The following TANC2 variants were observed in gnomAD, a reference collection of about 807,000 sequenced individuals.
TANC2 encodes protein TANC2.
A neutral mutation model predicts 210.5 loss-of-function variants in TANC2; 26 were observed. The ratio of observed to expected loss-of-function variants is 0.12; its 90% CI spans 0.09 to 0.17. TANC2 has a LOEUF of 0.17. Ranked by LOEUF, TANC2 falls within the 10% of genes least tolerant of loss-of-function variation. TANC2 has a pLI of 1.00. For synonymous variants in TANC2, 931 were observed against 967.1 expected (o/e 0.96, Z 0.69); for missense variants, 2,129 against 2,608.9 (o/e 0.82, Z 4.01).
At chr17:63,389,228 G>A in intron 16 of TANC2, 80 bp from the exon 17 acceptor site, 1 of 1,067,146 alleles carries the variant, frequency 9.4e-7, no homozygotes. Flanking sequence ...GTTGTAGAAT[G>A]TTAGATGGTT....
chr17:63,138,396 T>C (rs1243644004), intron 4 of TANC2, among the ~76,000 whole-genome samples: 1 of 152,188 alleles, frequency 6.6e-6, no homozygotes, highest in Non-Finnish European at 1.5e-5. Context: ...GACCATAATT[T>C]TTATAAATAC....
In TANC2 at chr17:63,059,947, C is replaced by T. The variant is rs141563726; in HGVS notation, c.68-13996C>T. ...CTAGACATGTCCACTGCTACTGGAT[C>T]AGTCTGTTTCTAGGCGTTTTCAGTG... On this transcript the variant is annotated intron_variant, in intron 2 of 27. Coordinates refer to ENST00000689528, the Ensembl canonical transcript of TANC2. 9.8e-3 allele frequency among the ~76,000 whole-genome samples: 1,494 copies of T among 152,240 alleles called. 23 individuals are homozygous for T. Among genetic ancestry groups the T allele is most frequent in the African/African-American group, 0.034 (1,426 of 41,550 alleles).
exon 10 of TANC2, chr17:63,314,472 T>G: frequency 6.2e-7 from 1 of 1,613,930 alleles, no homozygotes; most frequent in Non-Finnish European, 8.5e-7. Context: ...GAGTCAGTGT[T>G]TGTTGGCCGA....
intron 14 of TANC2, among the ~76,000 whole-genome samples, chr17:63,366,664 T>C (rs2047119356): frequency 6.6e-6 from 1 of 152,252 alleles, no homozygotes; most frequent in African/African-American, 2.4e-5. Flanking sequence ...ATTCAGATTC[T>C]ATATTTACAA....
Position 63,046,325 on chromosome 17 carries a change from C to CTTTTTTTTTTTT in TANC2, c.68-27605_68-27594dup, listed in dbSNP as rs57550590. Among the ~76,000 whole-genome samples the CTTTTTTTTTTTT allele has an allele frequency of 2.2e-3, 95 of 44,142 alleles. 28 individuals are homozygous for CTTTTTTTTTTTT. The highest frequency in any genetic ancestry group is 0.011 in the African/African-American group (90 of 8,536). 29.0% of individuals were successfully genotyped at this position (44,142 alleles called of 152,430 possible). On this transcript the variant is annotated intron_variant, in intron 2 of 27. Coordinates refer to ENST00000689528, the Ensembl canonical transcript of TANC2. ...CAGGTGCGTGCCACCACACCCAGCTCTTTTTTTTTTTTTTTTTTTTTTTTG... is the reference window on the plus strand; with the variant it reads ...CAGGTGCGTGCCACCACACCCAGCTCTTTTTTTTTTTTTTTTTTTTTTTTTTTTTTTTTTTTG...
chr17:63,004,882 G>T, intron 1 of TANC2: 2 of 319,848 alleles, frequency 6.3e-6, no homozygotes, highest in South Asian at 2.8e-5. Flanking sequence ...AGACAACCTT[G>T]TGGATTTTCT....
At chr17:63,261,067 A>C (rs956673848) in intron 8 of TANC2, among the ~76,000 whole-genome samples, 27 of 152,194 alleles carry the variant, frequency 1.8e-4, no homozygotes, top group African/African-American at 6.5e-4. Context: ...CCCTATCTCT[A>C]CAAAAGAAAT....
intron 3 of TANC2, among the ~76,000 whole-genome samples, chr17:63,083,528 T>C (rs944576419): frequency 1.5e-4 from 23 of 152,270 alleles, no homozygotes; most frequent in African/African-American, 5.1e-4. Context: ...AGGGATTCTC[T>C]TGGAGTTTTT....
intron 11 of TANC2, chr17:63,334,022 C>T (rs1037766518): frequency 6.6e-6 from 1 of 152,180 alleles, no homozygotes; most frequent in Non-Finnish European, 1.5e-5. Context: ...TTGAGTGACT[C>T]ACCTTATTGC....
intron 14 of TANC2, among the ~76,000 whole-genome samples, chr17:63,371,009 G>C (rs138312864): frequency 2.3e-3 from 348 of 152,212 alleles, no homozygotes; most frequent in Non-Finnish European, 4.4e-3. Context: ...GTCTCACTAG[G>C]TCTCTTTAAA....
At chr17:63,244,696 G>T (rs891509851) in intron 8 of TANC2, among the ~76,000 whole-genome samples, 1 of 152,186 alleles carries the variant, frequency 6.6e-6, no homozygotes, top group African/African-American at 2.4e-5. Context: ...TTTGTAAACC[G>T]CCGATTTCTT....
At position 63,404,721 on chromosome 17, in the gene TANC2, CAAAA is replaced by C. The variant is rs535592157; in HGVS notation, c.3332-393_3332-390del. On this transcript the variant is annotated intron_variant, in intron 19 of 27. Transcript: ENST00000689528. ...GTTCCCAGCTAATTCTAAAACAAAACAAAAAAAAAAACTTTTTATCTCTGCAAAG... is the reference window on the plus strand; with the variant it reads ...GTTCCCAGCTAATTCTAAAACAAAACAAAAAAACTTTTTATCTCTGCAAAG... 1.3e-3 allele frequency among the ~76,000 whole-genome samples: 185 copies of C among 141,596 alleles called. 1 individual carries two copies. The highest frequency in any genetic ancestry group is 4.6e-3 in the African/African-American group (177 of 38,648). The allele number at this position is 141,596 out of a possible 152,430, so 92.9% of individuals were successfully genotyped here.
chr17:63,373,103 C>A (rs2047320934), intron 14 of TANC2, among the ~76,000 whole-genome samples: 1 of 151,832 alleles, frequency 6.6e-6, no homozygotes. Context: ...GCTATGGTAT[C>A]CAGGCTGGTC....
intron 2 of TANC2, among the ~76,000 whole-genome samples, chr17:63,030,599 G>A (rs1481626948): frequency 9.6e-6 from 1 of 104,568 alleles, no homozygotes; most frequent in African/African-American, 3.7e-5. Flanking sequence ...CCCACCCCCC[G>A]ATTCACCTCA....
chr17:63,382,035 G>T (rs2047628740), intron 15 of TANC2, among the ~76,000 whole-genome samples: 1 of 152,116 alleles, frequency 6.6e-6, no homozygotes, highest in Non-Finnish European at 1.5e-5. Context: ...ACACTTCTCT[G>T]CCTGTCATCT....
chr17:63,200,407 A>G (rs984679078), intron 6 of TANC2, among the ~76,000 whole-genome samples: 59 of 151,902 alleles, frequency 3.9e-4, no homozygotes, highest in African/African-American at 1.3e-3. Flanking sequence ...TTAACAAGGC[A>G]AAGTTCCAGG....
chr17:63,045,445 T>C (rs1015987782), intron 2 of TANC2, among the ~76,000 whole-genome samples: 3 of 152,222 alleles, frequency 2.0e-5, no homozygotes, highest in Non-Finnish European at 4.4e-5. Flanking sequence ...ATCATTCTTT[T>C]TTATACTACG....
chr17:63,412,680 G>T lies in TANC2; in HGVS notation c.3899G>T (p.Gly1300Val). ...TTTTTGTTTTCTCCTTTCTTTGAAG[G>T]TTGTCAGACGTTACCGAGTCGCCCA... is the stretch of plus-strand genomic sequence containing the variant. The change falls in exon 24 of 28, where the codon GGT becomes GTT. Residue 1300 changes from glycine to valine, a missense_variant and splice_region_variant. By Grantham distance (109) the Gly-to-Val change is moderately radical (BLOSUM62 -3). This residue lies in a region of TANC2 where 644 missense variants were observed against 937.5 expected (regional missense o/e 0.69). Coordinates refer to ENST00000689528, the Ensembl canonical transcript of TANC2. The surrounding 1 kb of genome is among the most constrained non-coding windows in gnomAD (Gnocchi z 4.2). 2.0e-6 allele frequency: 3 copies of T among 1,533,738 alleles called. No homozygotes were observed. The highest frequency in any genetic ancestry group is 1.7e-6 in the Non-Finnish European group (2 of 1,146,560).
At chr17:63,405,234 A>G in exon 20 of TANC2, 1 of 1,593,022 alleles carries the variant, frequency 6.3e-7, no homozygotes, top group Non-Finnish European at 8.6e-7. Flanking sequence ...TATTCAGCAC[A>G]GTGCGCCAGG....
Sources: gnomAD v4.1 joint callset for allele counts (sites outside exome capture counted in the v4.1 genomes callset) on GRCh38, gnomAD v4.1.1 for gene constraint, gnomAD v4.1.1 regional missense constraint, Gnocchi (gnomAD v3.1) non-coding constraint, MANE v1.5 for transcripts, NCBI Gene and HGNC (gene_info 2026-07-23, HGNC 2026-07-21) for gene names.